The following FAT3 variants were observed in gnomAD, a reference collection of about 807,000 sequenced individuals.
FAT3 encodes the protein protocadherin Fat 3.
In FAT3, 95 loss-of-function variants were observed where a neutral mutation model predicts 310.2. The ratio of observed to expected loss-of-function variants is 0.31; its 90% confidence interval spans 0.26 to 0.36. FAT3 has a LOEUF of 0.36. Ranked by LOEUF, FAT3 falls within the 10% of genes least tolerant of loss-of-function variation. The probability of loss-of-function intolerance (pLI) is 1.00; values close to 1 mark genes in which losing one functional copy is unlikely to be tolerated. For synonymous variants in FAT3, 2,314 were observed against 2,192.9 expected (o/e 1.06, Z -1.54); for missense variants, 5,408 against 5,715.6 (o/e 0.95, Z 1.74).
intron 3 of FAT3, among the ~76,000 whole-genome samples, chr11:92,660,633 T>A (rs1942750002): frequency 6.6e-6 from 1 of 152,158 alleles, no homozygotes. Context: ...GAAATTAGTA[T>A]AAGAGCTAGT....
intron 3 of FAT3, among the ~76,000 whole-genome samples, chr11:92,533,140 T>A (rs1954136353): frequency 6.6e-6 from 1 of 152,042 alleles, no homozygotes; most frequent in South Asian, 2.1e-4. Flanking sequence ...CTCAAGCAAT[T>A]CTCTTAGCCT....
chr11:92,332,726 G>A (rs1417692701), intron 1 of FAT3, among the ~76,000 whole-genome samples: 1 of 152,062 alleles, frequency 6.6e-6, no homozygotes, highest in Non-Finnish European at 1.5e-5. Flanking sequence ...ATAAAATAAT[G>A]TATTTAAGGC....
intron 4 of FAT3, among the ~76,000 whole-genome samples, chr11:92,734,836 T>C (rs1355048421): frequency 6.6e-6 from 1 of 152,102 alleles, no homozygotes; most frequent in Non-Finnish European, 1.5e-5. Flanking sequence ...ATATTTGCTT[T>C]ACAAAATGAT....
chr11:92,800,372 G>A lies in FAT3; in HGVS notation c.7359G>A (p.Leu2453=), dbSNP rs1947303228. 1 of 1,613,974 alleles carries A rather than the reference G, an allele frequency of 6.2e-7. No homozygotes were observed. The highest frequency in any genetic ancestry group is 8.5e-7 in the Non-Finnish European group (1 of 1,179,882). The change falls in exon 10 of 28, where the codon TTG becomes TTA. Residue 2453 remains leucine (L), a synonymous_variant. Transcript: ENST00000525166. ...LMDSKSGVIT[L]SNHRKQRMEP... is the part of the protein sequence containing the mutation. ...ACAGCAAGAGTGGAGTTATCACATT[G>A]TCCAACCATCGGAAGCAGCGGATGG...
chr11:92,810,631 T>C (rs1947642819), intron 13 of FAT3, among the ~76,000 whole-genome samples: 1 of 152,130 alleles, frequency 6.6e-6, no homozygotes, highest in Non-Finnish European at 1.5e-5. Flanking sequence ...ACATATAAAC[T>C]GACATTGTTT....
At chr11:92,784,447 C>G (rs1215139240) in intron 7 of FAT3, among the ~76,000 whole-genome samples, 2 of 152,320 alleles carry the variant, frequency 1.3e-5, no homozygotes, top group Non-Finnish European at 1.5e-5. Context: ...CACCCTACTG[C>G]TCGCCCCATG....
chr11:92,356,395 T>G (rs1300145456), intron 2 of FAT3, among the ~76,000 whole-genome samples: 1 of 152,202 alleles, frequency 6.6e-6, no homozygotes, highest in Non-Finnish European at 1.5e-5. Context: ...TGTAGAGTGC[T>G]TTTTTCCCCT....
intron 19 of FAT3, among the ~76,000 whole-genome samples, chr11:92,850,498 C>T (rs1185999029): frequency 9.2e-5 from 14 of 152,176 alleles, no homozygotes. Context: ...TTCTCTGCTT[C>T]CGAGAGAACC....
intron 2 of FAT3, among the ~76,000 whole-genome samples, chr11:92,434,049 A>G (rs1222722509): frequency 3.3e-5 from 5 of 149,394 alleles, no homozygotes; most frequent in South Asian, 2.1e-4. Flanking sequence ...ATCACTGTGG[A>G]TTGAGAGGGT....
rs1346073857 is a variant in FAT3 at position 92,761,876 on chromosome 11, T to G, written c.3690T>G (p.Gly1230=). The G allele has an allele frequency of 6.2e-7, 1 of 1,613,704 alleles. No individual in the cohort carries two copies. The highest frequency in any genetic ancestry group is 8.5e-7 in the Non-Finnish European group (1 of 1,179,680). Residue 1230 remains glycine (G), a synonymous_variant, in exon 5 of 28, where the codon GGT becomes GGG. Coordinates refer to ENST00000525166, the MANE Select transcript of FAT3 (RefSeq NM_001367949.2). Reference sequence around the variant, plus strand: ...TTCAGGTGACTGTGACAGATGGTGGTCCCTCTCCAAAACAGTCAACCATTT... The same window carrying G: ...TTCAGGTGACTGTGACAGATGGTGGGCCCTCTCCAAAACAGTCAACCATTT... ...HFLEVTVTDG[G]PSPKQSTIWV...
chr11:92,856,155 T>C (rs1050799299), intron 19 of FAT3, among the ~76,000 whole-genome samples: 2 of 152,000 alleles, frequency 1.3e-5, no homozygotes, highest in African/African-American at 2.4e-5. Flanking sequence ...TGGGACAATA[T>C]GCTTAATGAT....
chr11:92,725,613 G>A (rs1390893044), intron 4 of FAT3, among the ~76,000 whole-genome samples: 1 of 152,056 alleles, frequency 6.6e-6, no homozygotes, highest in Non-Finnish European at 1.5e-5. Context: ...TATGGATGTA[G>A]AAGTCTAGCA....
chr11:92,559,322 C>T (rs1040188753), intron 3 of FAT3: 18 of 194,514 alleles, frequency 9.3e-5, no homozygotes, highest in African/African-American at 4.0e-4. Context: ...CCCCAAGCAA[C>T]AACTAACCTA....
intron 2 of FAT3, among the ~76,000 whole-genome samples, chr11:92,423,096 G>A (rs1211900181): frequency 6.6e-6 from 1 of 152,160 alleles, no homozygotes; most frequent in Non-Finnish European, 1.5e-5. Flanking sequence ...AGCAAAGACT[G>A]TATGGAGTAT....
intron 7 of FAT3, 95 bp from the exon 8 acceptor site, chr11:92,789,848 G>C (rs976808815): frequency 7.6e-7 from 1 of 1,314,866 alleles, no homozygotes; most frequent in Admixed American, 2.0e-5. Context: ...AGGATCCAAG[G>C]ACGGGGAAGC....
intron 7 of FAT3, 124 bp from the exon 8 acceptor site, chr11:92,789,819 G>A: frequency 1.1e-6 from 1 of 914,376 alleles, no homozygotes; most frequent in East Asian, 2.6e-5. Context: ...CCTCTGTGTT[G>A]CAAGAGCTAC....
chr11:92,609,316 G>A (rs1023887916), intron 3 of FAT3, among the ~76,000 whole-genome samples: 5 of 152,160 alleles, frequency 3.3e-5, no homozygotes, highest in African/African-American at 9.7e-5. Context: ...GAGGAGGGGA[G>A]TCTCTGACTA....
intron 1 of FAT3, among the ~76,000 whole-genome samples, chr11:92,273,652 T>C (rs1248635730): frequency 6.6e-6 from 1 of 151,908 alleles, no homozygotes; most frequent in Admixed American, 6.6e-5. Flanking sequence ...GTCCAGAAGA[T>C]GGTGAGGGAA....
At chr11:92,765,146 T>G (rs1166904163) in intron 6 of FAT3, 57 bp downstream of exon 6, 2 of 1,129,294 alleles carry the variant, frequency 1.8e-6, no homozygotes, top group African/African-American at 2.3e-5. Flanking sequence ...CTGAAGCAAC[T>G]AGGAAAAAAA....
Sources: allele counts gnomAD v4.1 joint callset (sites outside exome capture counted in the v4.1 genomes callset), GRCh38; gene constraint gnomAD v4.1.1; transcripts MANE v1.5; gene names NCBI Gene and HGNC (gene_info 2026-07-23, HGNC 2026-07-21).